Variants in SLC16A2 observed in about 807,000 individuals in gnomAD.
SLC16A2 encodes solute carrier family 16 member 2, also known as monocarboxylate transporter 8.
SLC16A2 carries 3 observed loss-of-function variants against 27.2 expected under a neutral mutation model. The observed-to-expected ratio is 0.11, with a 90% CI of 0.05 to 0.28. SLC16A2 has a LOEUF of 0.28. SLC16A2 is among the 10% of genes least tolerant of loss of function. SLC16A2 has a pLI of 1.00. For synonymous variants in SLC16A2, 202 were observed against 187.8 expected (o/e 1.08, Z -0.62); for missense variants, 295 against 458.5 (o/e 0.64, Z 3.26).
intron 1 of SLC16A2, among the ~76,000 whole-genome samples, chrX:74,512,015 G>A (rs1404996256): frequency 5.4e-5 from 6 of 111,777 alleles, no homozygotes; most frequent in Non-Finnish European, 1.1e-4. Context: ...GACCCCTGAA[G>A]TGCCTTCACC....
intron 1 of SLC16A2, among the ~76,000 whole-genome samples, chrX:74,466,932 C>T (rs1213092391): frequency 1.8e-5 from 2 of 112,784 alleles, no homozygotes; most frequent in Non-Finnish European, 3.7e-5. Flanking sequence ...TGGTCTGATT[C>T]TGCCAACCCA....
intron 2 of SLC16A2, among the ~76,000 whole-genome samples, chrX:74,522,483 G>C (rs1353818756): frequency 8.9e-6 from 1 of 111,875 alleles, no homozygotes; most frequent in Non-Finnish European, 1.9e-5. Flanking sequence ...GAACCCCTCT[G>C]GTGGTCAGCC....
intron 1 of SLC16A2, among the ~76,000 whole-genome samples, chrX:74,425,986 T>C (rs1209251784): frequency 9.0e-6 from 1 of 111,637 alleles, no homozygotes; most frequent in African/African-American, 3.3e-5. Context: ...TCCACTCTGA[T>C]GGAAACAGAA....
In SLC16A2 at chrX:74,531,980, A is replaced by G. The variant is rs996372276; in HGVS notation, c.*427A>G. The G allele has an allele frequency of 5.1e-6, 1 of 194,983 alleles. No individual in the cohort carries two copies. The highest frequency in any genetic ancestry group is 2.9e-5 in the African/African-American group (1 of 34,263). The allele number at this position is 194,983 out of a possible 1,213,427, so 16.1% of individuals were successfully genotyped here. A position where few individuals can be genotyped will look rare whatever the true frequency, so the allele number is the denominator to read the frequency against. On this transcript the variant is annotated 3_prime_UTR_variant, in exon 6 of 6. Coordinates refer to ENST00000587091, the MANE Select transcript of SLC16A2 (RefSeq NM_006517.5). ...TTTGCTGAGGAGGTCATTGCCATCC[A>G]TATTTGGGAGCCACTGGGTGGAGGG... is the stretch of plus-strand genomic sequence containing the variant.
intron 1 of SLC16A2, among the ~76,000 whole-genome samples, chrX:74,440,801 G>GGTGT (rs35869235): frequency 1.9e-3 from 197 of 103,070 alleles, no homozygotes; most frequent in African/African-American, 4.6e-3. Flanking sequence ...AATAAATGAG[G>GGTGT]GTGTGTGTGT....
intron 1 of SLC16A2, among the ~76,000 whole-genome samples, chrX:74,504,566 A>G (rs755057201): frequency 4.5e-4 from 51 of 112,429 alleles, no homozygotes; most frequent in African/African-American, 1.5e-3. Flanking sequence ...TTTAAGTCAT[A>G]CAAGCCAGGT....
chrX:74,452,043 A>C (rs1928952990), intron 1 of SLC16A2, among the ~76,000 whole-genome samples: 1 of 112,722 alleles, frequency 8.9e-6, no homozygotes, highest in South Asian at 3.7e-4. Context: ...ATACGAGCTA[A>C]ATTACTAGCA....
At chrX:74,505,421 G>A (rs1429786531) in intron 1 of SLC16A2, among the ~76,000 whole-genome samples, 3 of 112,317 alleles carry the variant, frequency 2.7e-5, no homozygotes, top group Non-Finnish European at 5.6e-5. Flanking sequence ...TGAAAAATGA[G>A]CTCTGTCCAT....
At chrX:74,497,997 A>G (rs997497085) in intron 1 of SLC16A2, among the ~76,000 whole-genome samples, 22 of 111,833 alleles carry the variant, frequency 2.0e-4, no homozygotes, top group African/African-American at 6.5e-4. Flanking sequence ...AATCTGACAT[A>G]GTTGAGTCCA....
chrX:74,529,572 G>A (rs1193860451), intron 5 of SLC16A2, 131 bp downstream of exon 5: 21 of 479,835 alleles, frequency 4.4e-5, no homozygotes, highest in African/African-American at 9.7e-5. Flanking sequence ...GTCAGAGTGC[G>A]TGAAACCCCT....
intron 2 of SLC16A2, among the ~76,000 whole-genome samples, chrX:74,522,436 C>G (rs1340024717): frequency 9.0e-6 from 1 of 111,349 alleles, no homozygotes; most frequent in Non-Finnish European, 1.9e-5. Context: ...CTGGAAACTA[C>G]TCAGCACTCC....
chrX:74,432,454 A>AT (rs1327804143), intron 1 of SLC16A2, among the ~76,000 whole-genome samples: 3 of 111,966 alleles, frequency 2.7e-5, no homozygotes, highest in African/African-American at 9.7e-5. Flanking sequence ...GGGAGTTTTC[A>AT]TTAAGACAAG....
At chrX:74,514,768 T>C (rs2147867484) in intron 1 of SLC16A2, among the ~76,000 whole-genome samples, 1 of 111,499 alleles carries the variant, frequency 9.0e-6, no homozygotes, top group Non-Finnish European at 1.9e-5. Context: ...CAGGAAGATA[T>C]AAAAAGAAGC....
At position 74,524,506 on chromosome X, in the gene SLC16A2, T is replaced by C. The variant is rs767608675; in HGVS notation, c.723T>C (p.Ile241=). The change falls in exon 3 of 6, where the codon ATT becomes ATC. Residue 241 remains isoleucine (I), a synonymous_variant. Coordinates refer to ENST00000587091, the MANE Select transcript of SLC16A2 (RefSeq NM_006517.5). ...ANGVVSAGSS[I]FSMSFPFLIR... ...GTGTGGTGTCTGCTGGGAGTAGCAT[T>C]TTCTCCATGTCCTTCCCCTTCCTCA... The C allele has an allele frequency of 6.4e-5, 77 of 1,209,495 alleles. No individual in the cohort carries two copies. The highest frequency in any genetic ancestry group is 4.5e-6 in the Non-Finnish European group (4 of 895,084).
intron 1 of SLC16A2, among the ~76,000 whole-genome samples, chrX:74,450,133 ACCT>A (rs1928912527): frequency 8.9e-6 from 1 of 111,930 alleles, no homozygotes; most frequent in Admixed American, 9.4e-5. Context: ...TCCTTTAGTC[ACCT>A]CCTTCCAACC....
At chrX:74,506,670 A>G (rs1033760330) in intron 1 of SLC16A2, among the ~76,000 whole-genome samples, 7 of 110,849 alleles carry the variant, frequency 6.3e-5, no homozygotes, top group Non-Finnish European at 1.1e-4. Context: ...GATCTCAGGG[A>G]CTTTCCCATG....
intron 1 of SLC16A2, among the ~76,000 whole-genome samples, chrX:74,476,031 G>A (rs371340200): frequency 9.0e-6 from 1 of 111,295 alleles, no homozygotes; most frequent in African/African-American, 3.3e-5. Context: ...GTCATTGGTA[G>A]CTTGATGGGG....
At chrX:74,433,312 C>T in intron 1 of SLC16A2, among the ~76,000 whole-genome samples, 1 of 108,499 alleles carries the variant, frequency 9.2e-6, no homozygotes, top group African/African-American at 3.4e-5. Flanking sequence ...GCAGAGGCTG[C>T]AGTGAGCCAA....
At chrX:74,434,154 C>T (rs1191520953) in intron 1 of SLC16A2, among the ~76,000 whole-genome samples, 2 of 103,314 alleles carry the variant, frequency 1.9e-5, no homozygotes, top group Non-Finnish European at 3.9e-5. Flanking sequence ...GGAAAAGGGT[C>T]CCTCAAGAAG....
Sources: allele counts gnomAD v4.1 joint callset (sites outside exome capture counted in the v4.1 genomes callset), GRCh38; gene constraint gnomAD v4.1.1; transcripts MANE v1.5; gene names NCBI Gene and HGNC (gene_info 2026-07-23, HGNC 2026-07-21).